P3H3: variants seen among roughly 807,000 people sequenced by gnomAD.
The protein encoded by P3H3 is gene rich cluster, B.
P3H3 carries 64 observed loss-of-function variants against 78.1 expected under a neutral mutation model. The observed-to-expected ratio is 0.82, with a 90% CI of 0.67 to 1.01. P3H3 has a LOEUF of 1.01. Ranked by LOEUF, P3H3 falls within the 50% of genes least tolerant of loss-of-function variation. The probability of loss-of-function intolerance (pLI) is 0.00; values close to 1 mark genes in which losing one functional copy is unlikely to be tolerated. For synonymous variants in P3H3, 425 were observed against 416.7 expected (o/e 1.02, Z -0.24); for missense variants, 975 against 982.2 (o/e 0.99, Z 0.10).
Position 6,828,918 on chromosome 12 carries a change from C to T in P3H3, c.478C>T (p.Leu160=), listed in dbSNP as rs1943416211. 2.4e-6 allele frequency: 3 copies of T among 1,243,154 alleles called. No individual in the cohort carries two copies. The highest frequency in any genetic ancestry group is 6.9e-5 in the South Asian group (2 of 29,022). 77.0% of individuals were successfully genotyped at this position (1,243,154 alleles called of 1,614,324 possible). ...CCGCCGTCGGGAGCCCTACAACTAC[C>T]TGCAGAGGGCCTATTACCAGGTGGG... ...AFRRREPYNY[L]QRAYYQLKKL... The change falls in exon 1 of 15, where the codon CTG becomes TTG. Residue 160 remains leucine (L), a synonymous_variant. Transcript: ENST00000290510.
At chr12:6,833,260 T>C (rs1351430385) in intron 6 of P3H3, among the ~76,000 whole-genome samples, 6 of 152,206 alleles carry the variant, frequency 3.9e-5, no homozygotes, top group African/African-American at 1.4e-4. Context: ...TTACTTTACT[T>C]CTCTGTGTCT....
Position 6,831,673 on chromosome 12 carries a change from G to C in P3H3, c.1123-152G>C, listed in dbSNP as rs1943451991. The C allele has an allele frequency of 1.4e-6, 1 of 695,038 alleles. No homozygotes were observed. Among genetic ancestry groups the C allele is most frequent in the Non-Finnish European group, 2.6e-6 (1 of 390,016 alleles). The allele number at this position is 695,038 out of a possible 1,614,324, so 43.1% of individuals were successfully genotyped here. A position where few individuals can be genotyped will look rare whatever the true frequency, so the allele number is the denominator to read the frequency against. Reference sequence around the variant, plus strand: ...CACCCTTTCCAGTTTAAGTCCAGATGCTCTGAAGCTGCTGAGGGGGAACGT... The same window carrying C: ...CACCCTTTCCAGTTTAAGTCCAGATCCTCTGAAGCTGCTGAGGGGGAACGT... On this transcript the variant is annotated intron_variant, in intron 5 of 14. Coordinates refer to ENST00000290510, the MANE Select transcript of P3H3 (RefSeq NM_014262.5). The surrounding 1 kb of genome is among the most constrained non-coding windows in gnomAD (Gnocchi z 4.6).
intron 6 of P3H3, among the ~76,000 whole-genome samples, chr12:6,832,638 G>T (rs748362301): frequency 2.6e-4 from 40 of 151,976 alleles, no homozygotes; most frequent in Non-Finnish European, 5.6e-4. Context: ...GTCTCACTCT[G>T]TCACCCAGGC....
chr12:6,836,235 GAAA>G (rs10654551), intron 9 of P3H3, among the ~76,000 whole-genome samples: 1 of 142,394 alleles, frequency 7.0e-6, no homozygotes, highest in Non-Finnish European at 1.5e-5. Flanking sequence ...AACAAAAAAT[GAAA>G]AAAAAAAAAA....
Position 6,828,830 on chromosome 12 carries a change from AC to A in P3H3, c.391del (p.Arg131GlyfsTer37), listed in dbSNP as rs1206324210. The A allele has an allele frequency of 8.1e-7, 1 of 1,241,994 alleles. No individual in the cohort carries two copies. Among genetic ancestry groups the A allele is most frequent in the African/African-American group, 1.6e-5 (1 of 64,230 alleles). 76.9% of individuals were successfully genotyped at this position (1,241,994 alleles called of 1,614,324 possible). On this transcript the variant is annotated frameshift_variant, in exon 1 of 15. Coordinates refer to ENST00000290510, the MANE Select transcript of P3H3 (RefSeq NM_014262.5). LOFTEE classifies it high-confidence loss of function. ...CAGACTGCCTGACCCAGTGCGCAGC[AC>A]GGAGGCTGGGCCCCGGGGGCGCGGC... is the stretch of plus-strand genomic sequence containing the variant. ...RADCLTQCAA[R>X]RLGPGGAARL...
At chr12:6,837,622 C>T (rs1190967322) in intron 11 of P3H3, 49 bp downstream of exon 11, 8 of 1,594,840 alleles carry the variant, frequency 5.0e-6, no homozygotes, top group African/African-American at 1.3e-5. Flanking sequence ...GGCCCTGCCC[C>T]CAGGACACTG....
intron 8 of P3H3, 26 bp downstream of exon 8, chr12:6,833,835 G>A: frequency 6.2e-7 from 1 of 1,612,324 alleles, no homozygotes; most frequent in Non-Finnish European, 8.5e-7. Flanking sequence ...GGAGAAGGCA[G>A]GAGCCTGGAG....
chr12:6,835,671 A>T (rs1250335660), intron 9 of P3H3, among the ~76,000 whole-genome samples: 2 of 152,080 alleles, frequency 1.3e-5, no homozygotes, highest in Non-Finnish European at 2.9e-5. Context: ...TTACCAAGAG[A>T]CAGTATAGGG....
Position 6,829,124 on chromosome 12 carries a change from C to G in P3H3, c.498+186C>G, listed in dbSNP as rs1943419716. Reference sequence around the variant, plus strand: ...AGGACCTCTTGAGATCGCAGAGGAGCAGCCGAGGGGGAGTGCGAGCAGAAT... The same window carrying G: ...AGGACCTCTTGAGATCGCAGAGGAGGAGCCGAGGGGGAGTGCGAGCAGAAT... On this transcript the variant is annotated intron_variant, in intron 1 of 14. Coordinates refer to ENST00000290510, the MANE Select transcript of P3H3 (RefSeq NM_014262.5). This position sits in a 1 kb window ranked among gnomAD's most constrained non-coding sequence, Gnocchi z 5.1. 2 of 402,006 alleles carry G rather than the reference C, an allele frequency of 5.0e-6. No individual in the cohort carries two copies. Among genetic ancestry groups the G allele is most frequent in the Non-Finnish European group, 8.7e-6 (2 of 230,430 alleles). The allele number at this position is 402,006 out of a possible 1,614,324, so 24.9% of individuals were successfully genotyped here. A position where few individuals can be genotyped will look rare whatever the true frequency, so the allele number is the denominator to read the frequency against.
In P3H3 at chr12:6,829,801, G is replaced by A; in HGVS notation, c.499-58G>A. On this transcript the variant is annotated intron_variant, in intron 1 of 14. Coordinates refer to ENST00000290510, the MANE Select transcript of P3H3 (RefSeq NM_014262.5). The surrounding 1 kb of genome is among the most constrained non-coding windows in gnomAD (Gnocchi z 5.1). Reference sequence around the variant, plus strand: ...GGTAGGGTGGGGAGGCTGGCCAGGGGGCAGAGGTCTGCCCCCCGTCCCAGG... The same window carrying A: ...GGTAGGGTGGGGAGGCTGGCCAGGGAGCAGAGGTCTGCCCCCCGTCCCAGG... 1 of 1,601,862 alleles carries A rather than the reference G, an allele frequency of 6.2e-7. No individual in the cohort carries two copies. The highest frequency in any genetic ancestry group is 1.1e-5 in the South Asian group (1 of 90,686).
In P3H3 at chr12:6,837,969, ACCTCAACGATGACTT is replaced by A; in HGVS notation, c.1844_1858del (p.Leu615_Phe619del). On this transcript the variant is annotated inframe_deletion, in exon 13 of 15. Coordinates refer to ENST00000290510, the MANE Select transcript of P3H3 (RefSeq NM_014262.5). ...TTTTCCCTCCCCAGCGGACTCCTCT[ACCTCAACGATGACTT>A]CCAGGGTGGGGACCTGTTCTTCACG... The A allele has an allele frequency of 1.2e-6, 2 of 1,607,456 alleles. No individual in the cohort carries two copies. Among genetic ancestry groups the A allele is most frequent in the South Asian group, 2.2e-5 (2 of 89,706 alleles).
chr12:6,839,475 C>G lies in P3H3; in HGVS notation c.*14C>G. ...GAGGAGCTGTGAGTGGCTGAGCCAGCTCCTTGAGGATGTGGCCACTTGACT... is the reference window on the plus strand; with the variant it reads ...GAGGAGCTGTGAGTGGCTGAGCCAGGTCCTTGAGGATGTGGCCACTTGACT... On this transcript the variant is annotated 3_prime_UTR_variant, in exon 15 of 15. Coordinates refer to ENST00000290510, the MANE Select transcript of P3H3 (RefSeq NM_014262.5). 6.5e-7 allele frequency: 1 copy of G among 1,549,204 alleles called. No individual in the cohort carries two copies. The highest frequency in any genetic ancestry group is 8.7e-7 in the Non-Finnish European group (1 of 1,146,252).
rs1943411965 is a variant in P3H3 at position 6,828,783 on chromosome 12, CT to C, written c.344del (p.Leu115ProfsTer11). On this transcript the variant is annotated frameshift_variant, in exon 1 of 15. Transcript: ENST00000290510. LOFTEE classifies it high-confidence loss of function. ...GCAGGGGTCCTGGGAGCGACAGCTT[CT>C]CCGTGCAGCGCTCCGCCGCGCAGAC... is the stretch of plus-strand genomic sequence containing the variant. ...PTQGSWERQL[L>X]RAALRRADCL... 1 of 1,241,524 alleles carries C rather than the reference CT, an allele frequency of 8.1e-7. No homozygotes were observed. Among genetic ancestry groups the C allele is most frequent in the Non-Finnish European group, 1.0e-6 (1 of 992,564 alleles). The allele number at this position is 1,241,524 out of a possible 1,614,324, so 76.9% of individuals were successfully genotyped here. A position where few individuals can be genotyped will look rare whatever the true frequency, so the allele number is the denominator to read the frequency against.
In P3H3 at chr12:6,834,173, C is replaced by T. The variant is rs782156948; in HGVS notation, c.1458+124C>T. 2.1e-6 allele frequency: 3 copies of T among 1,409,244 alleles called. No individual in the cohort carries two copies. In the South Asian group the frequency reaches 3.9e-5, roughly 18 times the overall value. The allele number at this position is 1,409,244 out of a possible 1,614,324, so 87.3% of individuals were successfully genotyped here. ...ATTATCCAACCGGGACTGTGCTTAC[C>T]ACTGCCTCTCAGCTGTGGATAAGTT... On this transcript the variant is annotated intron_variant, in intron 9 of 14. Coordinates refer to ENST00000290510, the MANE Select transcript of P3H3 (RefSeq NM_014262.5).
chr12:6,837,757 G>A lies in P3H3; in HGVS notation c.1737G>A (p.Leu579=), dbSNP rs1345491026. The change falls in exon 12 of 15, where the codon CTG becomes CTA. Residue 579 remains leucine (L), a synonymous_variant. Coordinates refer to ENST00000290510, the MANE Select transcript of P3H3 (RefSeq NM_014262.5). ...IEGEQEQRMD[L]SHPVHADNCV... is the part of the protein sequence containing the mutation. ...GAGAGCAAGAGCAGCGCATGGACCT[G>A]AGTCACCCAGTGCACGCAGACAACT... The A allele has an allele frequency of 1.9e-6, 3 of 1,612,880 alleles. No homozygotes were observed. In the African/African-American group the frequency reaches 4.0e-5, roughly 22 times the overall value.
In P3H3 at chr12:6,837,065, C is replaced by T. The variant is rs1555122244; in HGVS notation, c.1539C>T (p.Leu513=). Residue 513 remains leucine, a synonymous_variant, in exon 10 of 15, where the codon CTC becomes CTT. Transcript: ENST00000290510. ...PHTPHERFEG[L]TVLKAAQLAR... ...CCCCCCATGAACGCTTCGAGGGGCT[C>T]ACGGTGCTTAAGGCTGCGCAGGTGA... The T allele has an allele frequency of 2.5e-6, 4 of 1,605,296 alleles. No homozygotes were observed. Among genetic ancestry groups the T allele is most frequent in the South Asian group, 1.1e-5 (1 of 91,088 alleles).
chr12:6,830,218 C>G, intron 2 of P3H3, 135 bp from the exon 3 acceptor site: 1 of 1,032,700 alleles, frequency 9.7e-7, no homozygotes, highest in Non-Finnish European at 1.4e-6. Context: ...ATTCTGAGGC[C>G]CACCCTTATT....
intron 14 of P3H3, 32 bp from the exon 15 acceptor site, chr12:6,839,265 G>T (rs1555122713): frequency 6.4e-7 from 1 of 1,556,532 alleles, no homozygotes; most frequent in South Asian, 1.2e-5. Flanking sequence ...GTGGGTGCAG[G>T]GAATGGGCCA....
chr12:6,833,737 C>A lies in P3H3; in HGVS notation c.1266-5C>A. Reference sequence around the variant, plus strand: ...CACCCACTGAGCGCATCTCTCACCCCTGAGAGAGGATCAAGAGAAGAGGCC... The same window carrying A: ...CACCCACTGAGCGCATCTCTCACCCATGAGAGAGGATCAAGAGAAGAGGCC... On this transcript the variant is annotated splice_polypyrimidine_tract_variant and splice_region_variant and intron_variant, in intron 7 of 14. Coordinates refer to ENST00000290510, the MANE Select transcript of P3H3 (RefSeq NM_014262.5). 2.5e-6 allele frequency: 4 copies of A among 1,600,188 alleles called. No homozygotes were observed. Among genetic ancestry groups the A allele is most frequent in the Non-Finnish European group, 3.4e-6 (4 of 1,167,356 alleles).
Sources: gnomAD v4.1 joint callset for allele counts (sites outside exome capture counted in the v4.1 genomes callset) on GRCh38, gnomAD v4.1.1 for gene constraint, Gnocchi (gnomAD v3.1) non-coding constraint, MANE v1.5 for transcripts, NCBI Gene and HGNC (gene_info 2026-07-23, HGNC 2026-07-21) for gene names.